The following CCDC175 variants were observed in gnomAD, a reference collection of about 807,000 sequenced individuals.
CCDC175 encodes coiled-coil domain-containing protein 175.
A neutral mutation model predicts 114.6 loss-of-function variants in CCDC175; 100 were observed. The observed-to-expected ratio is 0.87, with a 90% CI of 0.74 to 1.03. The LOEUF is 1.03. CCDC175 is among the 50% of genes least tolerant of loss of function. The probability of loss-of-function intolerance (pLI) is 0.00; values close to 1 mark genes in which losing one functional copy is unlikely to be tolerated. For synonymous variants in CCDC175, 306 were observed against 308.7 expected (o/e 0.99, Z 0.09); for missense variants, 880 against 917.8 (o/e 0.96, Z 0.53).
chr14:59,551,257 C>A, intron 8 of CCDC175, 98 bp downstream of exon 8: 2 of 606,370 alleles, frequency 3.3e-6, no homozygotes, highest in Non-Finnish European at 5.2e-6. Flanking sequence ...CAATGAAAAA[C>A]ATCCTTTTGA....
At chr14:59,530,239 C>T (rs993446532) in intron 14 of CCDC175, among the ~76,000 whole-genome samples, 2 of 151,596 alleles carry the variant, frequency 1.3e-5, no homozygotes, top group Non-Finnish European at 2.9e-5. Context: ...TGGTGGCGCA[C>T]ACCTGTAATC....
At chr14:59,545,058 A>C in intron 9 of CCDC175, 105 bp downstream of exon 9, 1 of 1,153,974 alleles carries the variant, frequency 8.7e-7, no homozygotes, top group African/African-American at 1.6e-5. Context: ...TTGTCAATAG[A>C]TTTTAAAACT....
At chr14:59,555,255 G>C (rs1169023902) in intron 7 of CCDC175, among the ~76,000 whole-genome samples, 1 of 152,136 alleles carries the variant, frequency 6.6e-6, no homozygotes, top group African/African-American at 2.4e-5. Flanking sequence ...ACATCAAAAA[G>C]CTATTCCACC....
intron 19 of CCDC175, among the ~76,000 whole-genome samples, chr14:59,507,183 C>T (rs1892477002): frequency 6.6e-6 from 1 of 152,182 alleles, no homozygotes. Flanking sequence ...GTTGGTTCCC[C>T]CAGCAGATCT....
chr14:59,507,990 AG>A (rs1233211414), intron 19 of CCDC175, among the ~76,000 whole-genome samples: 2 of 152,140 alleles, frequency 1.3e-5, no homozygotes, highest in Non-Finnish European at 2.9e-5. Context: ...AGGTTTGCTG[AG>A]GGCCTCACTC....
Position 59,565,210 on chromosome 14 carries a change from T to C in CCDC175, c.557A>G (p.Glu186Gly). Reference protein sequence around the residue: ...RFVLSLNQTMEKKATTTVYIN... With the variant: ...RFVLSLNQTMGKKATTTVYIN... ...GTAAACAGTGGTGGTGGCTTTTTTC[T>C]CCATAGTTTGGTTGAGTGACAGGAC... Residue 186 changes from glutamate to glycine, a missense_variant, in exon 5 of 20, where the codon GAG becomes GGG. Glu to Gly is a moderately conservative substitution (Grantham distance 98). Transcript: ENST00000537690. 6.5e-7 allele frequency: 1 copy of C among 1,537,848 alleles called. No individual in the cohort carries two copies. The highest frequency in any genetic ancestry group is 8.7e-7 in the Non-Finnish European group (1 of 1,147,036).
chr14:59,512,054 A>G (rs1892786958), intron 17 of CCDC175, among the ~76,000 whole-genome samples: 1 of 152,182 alleles, frequency 6.6e-6, no homozygotes. Context: ...CCTGGAAGAG[A>G]AACAAAGGAG....
intron 19 of CCDC175, among the ~76,000 whole-genome samples, chr14:59,506,704 T>A (rs1019865496): frequency 6.6e-6 from 1 of 152,178 alleles, no homozygotes; most frequent in Non-Finnish European, 1.5e-5. Context: ...GCAAATGATT[T>A]TCTTTCTTCT....
In CCDC175 at chr14:59,575,036, A is replaced by AT; in HGVS notation, c.158-9_158-8insA. ...CACTTTGCAGTGATTGTTCTGAAAA[A>AT]AAAATTAGAAAATAAAGATCTCTTA... On this transcript the variant is annotated splice_polypyrimidine_tract_variant and intron_variant, in intron 1 of 19. Transcript: ENST00000537690. The AT allele has an allele frequency of 7.1e-7, 1 of 1,411,164 alleles. No homozygotes were observed. The highest frequency in any genetic ancestry group is 9.5e-7 in the Non-Finnish European group (1 of 1,049,676). The allele number at this position is 1,411,164 out of a possible 1,614,324, so 87.4% of individuals were successfully genotyped here.
intron 7 of CCDC175, among the ~76,000 whole-genome samples, chr14:59,555,241 C>T (rs541813784): frequency 6.6e-6 from 1 of 152,174 alleles, no homozygotes; most frequent in African/African-American, 2.4e-5. Flanking sequence ...CCGAATCCAG[C>T]AGCACATCAA....
intron 14 of CCDC175, among the ~76,000 whole-genome samples, chr14:59,529,408 A>G (rs1956362): frequency 0.41 from 62,539 of 152,010 alleles, 14,216 homozygotes; most frequent in African/African-American, 0.6. Context: ...ACTGCACAAG[A>G]AGGGGATTTG....
intron 13 of CCDC175, among the ~76,000 whole-genome samples, chr14:59,535,143 T>G (rs1470622596): frequency 6.6e-6 from 1 of 152,148 alleles, no homozygotes; most frequent in East Asian, 1.9e-4. Flanking sequence ...GTGCTGATTA[T>G]CGAGGGGAAA....
intron 13 of CCDC175, among the ~76,000 whole-genome samples, chr14:59,532,208 A>C (rs1435833677): frequency 2.0e-5 from 3 of 152,222 alleles, no homozygotes; most frequent in Admixed American, 2.0e-4. Context: ...TATACAGCCC[A>C]AAAACATATC....
intron 7 of CCDC175, among the ~76,000 whole-genome samples, chr14:59,555,448 A>G (rs1310398038): frequency 6.6e-6 from 1 of 152,234 alleles, no homozygotes; most frequent in East Asian, 1.9e-4. Flanking sequence ...TAAATTTGGT[A>G]TTGATGGGAC....
At chr14:59,540,917 T>C (rs1265500541) in intron 10 of CCDC175, among the ~76,000 whole-genome samples, 171 bp from the exon 11 acceptor site, 1 of 152,088 alleles carries the variant, frequency 6.6e-6, no homozygotes, top group African/African-American at 2.4e-5. Context: ...CAATTGCAAT[T>C]CTATGTTAGT....
chr14:59,517,995 A>G (rs1893203255), intron 17 of CCDC175, among the ~76,000 whole-genome samples: 1 of 152,192 alleles, frequency 6.6e-6, no homozygotes, highest in Non-Finnish European at 1.5e-5. Context: ...GGAACCGAAC[A>G]GAGCCCTCAG....
At position 59,518,666 on chromosome 14, in the gene CCDC175, A is replaced by C. The variant is rs867530627; in HGVS notation, c.2098+2908T>G. 5.9e-3 allele frequency among the ~76,000 whole-genome samples: 901 copies of C among 152,226 alleles called. 7 individuals are homozygous for C. Among genetic ancestry groups the C allele is most frequent in the African/African-American group, 0.021 (858 of 41,510 alleles). On this transcript the variant is annotated intron_variant, in intron 17 of 19. Transcript: ENST00000537690. ...TGGCAATCATTAAAAAGTCAGGAAA[A>C]AACAGGTGCTGGAGAGGATATGGAG... is the stretch of plus-strand genomic sequence containing the variant.
chr14:59,575,937 T>C (rs979876572), intron 1 of CCDC175, among the ~76,000 whole-genome samples: 7 of 152,200 alleles, frequency 4.6e-5, no homozygotes, highest in African/African-American at 1.7e-4. Context: ...ATCAATACGA[T>C]TATCTTGAAG....
At chr14:59,566,267 C>A (rs183863874) in intron 4 of CCDC175, among the ~76,000 whole-genome samples, 108 of 152,224 alleles carry the variant, frequency 7.1e-4, no homozygotes, top group Non-Finnish European at 1.4e-3. Context: ...TTTTGTCTAC[C>A]CAGAGGCTAA....
Sources: gnomAD v4.1 joint callset for allele counts (sites outside exome capture counted in the v4.1 genomes callset) on GRCh38, gnomAD v4.1.1 for gene constraint, MANE v1.5 for transcripts, NCBI Gene and HGNC (gene_info 2026-07-23, HGNC 2026-07-21) for gene names.